GOLGB1: variants seen among roughly 807,000 people sequenced by gnomAD.
The protein encoded by GOLGB1 is golgin B1, also known as golgin subfamily B member 1.
GOLGB1 carries 174 observed loss-of-function variants against 336.9 expected under a neutral mutation model. The ratio of observed to expected loss-of-function variants is 0.52; its 90% CI spans 0.46 to 0.59. The LOEUF (loss-of-function observed/expected upper bound fraction) is 0.59. Ranked by LOEUF, GOLGB1 falls within the 20% of genes least tolerant of loss-of-function variation. The pLI, the probability that GOLGB1 is intolerant of heterozygous loss-of-function variation, is 0.00. For missense variants in GOLGB1, 3,331 were observed against 3,645.3 expected, an observed-to-expected ratio of 0.91 and a Z score of 2.22; for synonymous variants, 1,208 against 1,289.2, an observed-to-expected ratio of 0.94 and a Z score of 1.35.
intron 1 of GOLGB1, among the ~76,000 whole-genome samples, chr3:121,739,962 A>G (rs1576482152): frequency 6.6e-6 from 1 of 152,350 alleles, no homozygotes; most frequent in South Asian, 2.1e-4. Context: ...CAGTCCCAAA[A>G]GGTTACATAT....
At position 121,663,957 on chromosome 3, in the gene GOLGB1, C is replaced by G. The variant is rs527322372; in HGVS notation, c.*523G>C. ...AGGGAGTTCCTTCAGCTTTCACCAC[C>G]CTATTCTGCAAGAGACCTAAATCAG... On this transcript the variant is annotated 3_prime_UTR_variant, in exon 22 of 22. Coordinates refer to ENST00000614479, the MANE Select transcript of GOLGB1 (RefSeq NM_001366282.2). 1 of 155,872 alleles carries G rather than the reference C, an allele frequency of 6.4e-6. No homozygotes were observed. Among genetic ancestry groups the G allele is most frequent in the Non-Finnish European group, 1.4e-5 (1 of 70,098 alleles). 9.7% of individuals were successfully genotyped at this position (155,872 alleles called of 1,614,324 possible).
chr3:121,692,525 T>C lies in GOLGB1; in HGVS notation c.6839A>G (p.Gln2280Arg). The C allele has an allele frequency of 6.2e-7, 1 of 1,610,664 alleles. No individual in the cohort carries two copies. The highest frequency in any genetic ancestry group is 8.5e-7 in the Non-Finnish European group (1 of 1,179,070). The change falls in exon 14 of 22, where the codon CAG becomes CGG. Residue 2280 changes from glutamine (Q) to arginine (R), a missense_variant. By Grantham distance (43) the Gln-to-Arg change is conservative. Coordinates refer to ENST00000614479, the MANE Select transcript of GOLGB1 (RefSeq NM_001366282.2). ...ESKAQTEVQL[Q>R]QKVCDTLQGE... ...CTGTAGAGTATCACAGACCTTCTGC[T>C]GAAGCTGGACCTCTGTCTGGGCCTT... is the stretch of plus-strand genomic sequence containing the variant.
intron 17 of GOLGB1, among the ~76,000 whole-genome samples, 182 bp downstream of exon 17, chr3:121,676,711 G>A (rs1381033725): frequency 1.3e-5 from 2 of 152,122 alleles, no homozygotes; most frequent in African/African-American, 4.8e-5. Flanking sequence ...CAAGGGCAAA[G>A]GACAAGAAAT....
rs139087701 is a variant in GOLGB1, at chr3:121,697,029, G to A, written c.3494C>T (p.Pro1165Leu). Residue 1165 changes from proline to leucine, a missense_variant, in exon 13 of 22, where the codon CCA (proline) becomes CTA (leucine). Physicochemically the swap from Pro to Leu is moderately conservative, Grantham distance 98 (BLOSUM62 -3). Transcript: ENST00000614479. ...PCTGSSEHWK[P>L]ELEEKILALE... ...GGCCAGTATCTTTTCTTCTAGTTCT[G>A]GTTTCCAGTGTTCACTACTACCTGT... is the stretch of plus-strand genomic sequence containing the variant. 50 of 1,613,804 alleles carry A rather than the reference G, an allele frequency of 3.1e-5. No individual in the cohort carries two copies. The highest frequency in any genetic ancestry group is 1.6e-4 in the Middle Eastern group (1 of 6,082).
rs1942558946 is a variant in GOLGB1 at position 121,692,692 on chromosome 3, A to G, written c.6783-111T>C. On this transcript the variant is annotated intron_variant, in intron 13 of 21. Coordinates refer to ENST00000614479, the MANE Select transcript of GOLGB1 (RefSeq NM_001366282.2). The stretch of plus-strand genomic sequence containing the variant: ...TAGATTTACAAATGAATTAACATTC[A>G]TAACAGGTGTTAAATATTTTACTGA... 5 of 617,858 alleles carry G rather than the reference A, an allele frequency of 8.1e-6. No homozygotes were observed. The East Asian group carries it at 1.4e-4, about 17-fold the overall frequency. The allele number at this position is 617,858 out of a possible 1,614,324, so 38.3% of individuals were successfully genotyped here.
At chr3:121,676,810 TATGCTGA>T (rs1158129906) in intron 17 of GOLGB1, 76 bp downstream of exon 17, 4 of 1,180,728 alleles carry the variant, frequency 3.4e-6, no homozygotes, top group Non-Finnish European at 5.0e-6. Context: ...GCTGGGACTC[TATGCTGA>T]ATTGGCTTCT....
intron 1 of GOLGB1, among the ~76,000 whole-genome samples, chr3:121,736,253 A>G (rs1025767044): frequency 6.6e-5 from 10 of 152,186 alleles, no homozygotes; most frequent in African/African-American, 2.4e-4. Flanking sequence ...GGCTGGACCT[A>G]GTGACTCACT....
intron 20 of GOLGB1, among the ~76,000 whole-genome samples, chr3:121,666,224 A>G (rs1049151591): frequency 2.6e-5 from 4 of 152,212 alleles, no homozygotes; most frequent in African/African-American, 9.6e-5. Context: ...CAGTACCTGG[A>G]CTAGGCAGGC....
At chr3:121,669,752 T>A (rs542337072) in intron 17 of GOLGB1, among the ~76,000 whole-genome samples, 2 of 152,196 alleles carry the variant, frequency 1.3e-5, no homozygotes, top group Non-Finnish European at 2.9e-5. Flanking sequence ...GAACTCAATA[T>A]GGCTGGAGAG....
rs1221941759 is a variant in GOLGB1, at chr3:121,694,948, C to T, written c.5575G>A (p.Glu1859Lys). ...AATTCCTTGTTTTTCTGCTTCTCCT[C>T]CTCTAATCCAGCAATTCTTTCTTTG... is the stretch of plus-strand genomic sequence containing the variant. ...QLKERIAGLE[E>K]EKQKNKEFSQ... The change falls in exon 13 of 22, where the codon GAG becomes AAG. Residue 1859 changes from glutamate (E) to lysine (K), a missense_variant. By Grantham distance (56) the Glu-to-Lys change is moderately conservative. Coordinates refer to ENST00000614479, the MANE Select transcript of GOLGB1 (RefSeq NM_001366282.2). 1 of 1,613,972 alleles carries T rather than the reference C, an allele frequency of 6.2e-7. No individual in the cohort carries two copies. Among genetic ancestry groups the T allele is most frequent in the East Asian group, 2.2e-5 (1 of 44,896 alleles).
Position 121,730,028 on chromosome 3 carries a change from G to A in GOLGB1, c.97-11C>T. On this transcript the variant is annotated splice_polypyrimidine_tract_variant and intron_variant, in intron 2 of 21. Coordinates refer to ENST00000614479, the MANE Select transcript of GOLGB1 (RefSeq NM_001366282.2). Reference sequence around the variant, plus strand: ...TTCTTGGTGTAATTCCTAATATTTAGGAAAAAAGTTGCCAGTGCACCAGGA... The same window carrying A: ...TTCTTGGTGTAATTCCTAATATTTAAGAAAAAAGTTGCCAGTGCACCAGGA... The A allele has an allele frequency of 6.3e-7, 1 of 1,595,666 alleles. No homozygotes were observed. Among genetic ancestry groups the A allele is most frequent in the Admixed American group, 1.8e-5 (1 of 56,392 alleles).
rs561864468 is a variant in GOLGB1, at chr3:121,715,570, TTTTTG to T, written c.1289-599_1289-595del. Among the ~76,000 whole-genome samples, 599 of 151,836 alleles carry T rather than the reference TTTTTG, an allele frequency of 3.9e-3. 2 individuals are homozygous for T. The highest frequency in any genetic ancestry group is 7.2e-3 in the Non-Finnish European group (489 of 67,894). On this transcript the variant is annotated intron_variant, in intron 9 of 21. Transcript: ENST00000614479. ...TTCCCCCTTGAAAATGGCTTTAGGG[TTTTTG>T]TTTTCTTCACTCTCGACTTAGGTAT... is the stretch of plus-strand genomic sequence containing the variant.
At position 121,663,990 on chromosome 3, in the gene GOLGB1, A is replaced by G. The variant is rs1026563505; in HGVS notation, c.*490T>C. 2 of 163,120 alleles carry G rather than the reference A, an allele frequency of 1.2e-5. No individual in the cohort carries two copies. Among genetic ancestry groups the G allele is most frequent in the African/African-American group, 2.4e-5 (1 of 41,678 alleles). The allele number at this position is 163,120 out of a possible 1,614,324, so 10.1% of individuals were successfully genotyped here. Reference sequence around the variant, plus strand: ...GCAAGAGACCTAAATCAGATGTCCTATGAGGTGACATGTTCATTTCCCTGA... The same window carrying G: ...GCAAGAGACCTAAATCAGATGTCCTGTGAGGTGACATGTTCATTTCCCTGA... On this transcript the variant is annotated 3_prime_UTR_variant, in exon 22 of 22. Coordinates refer to ENST00000614479, the MANE Select transcript of GOLGB1 (RefSeq NM_001366282.2).
At chr3:121,704,627 T>C (rs1002900734) in intron 10 of GOLGB1, among the ~76,000 whole-genome samples, 5 of 151,820 alleles carry the variant, frequency 3.3e-5, no homozygotes, top group African/African-American at 1.2e-4. Flanking sequence ...AAATACAAAA[T>C]TAGCCAGGCG....
chr3:121,684,127 C>CAAAAAAA (rs61510295), intron 14 of GOLGB1, among the ~76,000 whole-genome samples: 2 of 10,910 alleles, frequency 1.8e-4, no homozygotes, highest in Admixed American at 1.2e-3. Flanking sequence ...GACGCCGTCT[C>CAAAAAAA]AAAAAAAAAA....
chr3:121,683,127 C>T (rs1250073968), intron 14 of GOLGB1, among the ~76,000 whole-genome samples: 1 of 131,578 alleles, frequency 7.6e-6, no homozygotes, highest in Non-Finnish European at 1.6e-5. Flanking sequence ...GTCTCAAACT[C>T]CTGGACTCAA....
Position 121,668,142 on chromosome 3 carries a change from T to A in GOLGB1, c.9338A>T (p.Asp3113Val). ...TTCCTGGGGAGCTCCTGGAGCAACA[T>A]CTATATTTAGTGGCCCCTGGAAGAA... ...QELQAGPLNI[D>V]VAPGAPQEKN... is the part of the protein sequence containing the mutation. The change falls in exon 19 of 22, where the codon GAT becomes GTT. Residue 3113 changes from aspartate (D) to valine (V), a missense_variant. Asp to Val is a radical substitution (Grantham distance 152). Coordinates refer to ENST00000614479, the MANE Select transcript of GOLGB1 (RefSeq NM_001366282.2). 1 of 1,595,280 alleles carries A rather than the reference T, an allele frequency of 6.3e-7. No homozygotes were observed. The highest frequency in any genetic ancestry group is 1.3e-5 in the African/African-American group (1 of 74,178).
rs763851869 is a variant in GOLGB1, at chr3:121,694,007, G to A, written c.6516C>T (p.Asn2172=). 2 of 1,614,098 alleles carry A rather than the reference G, an allele frequency of 1.2e-6. No homozygotes were observed. The highest frequency in any genetic ancestry group is 2.2e-5 in the East Asian group (1 of 44,874). ...GTTGCTGAACTTCCTTGTCTTTCTT[G>A]TTCAAAGTAACCTGAATCTCTCCAA... The part of the protein sequence containing the change: ...ETIGEIQVTL[N]KKDKEVQQLQ... Residue 2172 remains asparagine (N), a synonymous_variant, in exon 13 of 22, where the codon AAC becomes AAT. Transcript: ENST00000614479.
rs1253673767 is a variant in GOLGB1, at chr3:121,697,606, G to C, written c.2917C>G (p.Pro973Ala). ...GLKQNYDEMS[P>A]AGQISKEELQ... ...TCTTCCTTACTTATTTGTCCTGCTG[G>C]GCTCATCTCATCATAATTTTGTTTA... Residue 973 changes from proline to alanine, a missense_variant, in exon 13 of 22, where the codon CCA (proline) becomes GCA (alanine). By Grantham distance (27) the Pro-to-Ala change is conservative. Coordinates refer to ENST00000614479, the MANE Select transcript of GOLGB1 (RefSeq NM_001366282.2). 1 of 1,612,972 alleles carries C rather than the reference G, an allele frequency of 6.2e-7. No homozygotes were observed. Among genetic ancestry groups the C allele is most frequent in the Admixed American group, 1.7e-5 (1 of 59,906 alleles).
Sources: gnomAD v4.1 joint callset for allele counts (sites outside exome capture counted in the v4.1 genomes callset) on GRCh38, gnomAD v4.1.1 for gene constraint, MANE v1.5 for transcripts, NCBI Gene and HGNC (gene_info 2026-07-23, HGNC 2026-07-21) for gene names.